DDX17: variants seen among roughly 807,000 people sequenced by gnomAD.
DDX17 encodes probable ATP-dependent RNA helicase DDX17.
In DDX17, 10 loss-of-function variants were observed where a neutral mutation model predicts 80.8. The observed-to-expected ratio is 0.12, with a 90% CI of 0.08 to 0.21. The LOEUF (loss-of-function observed/expected upper bound fraction) is 0.21. Ranked by LOEUF, DDX17 falls within the 10% of genes least tolerant of loss-of-function variation. The pLI, the probability that DDX17 is intolerant of heterozygous loss-of-function variation, is 1.00. For missense variants in DDX17, 586 were observed against 957.4 expected (o/e 0.61, Z 5.12); for synonymous variants, 339 against 336.2 (o/e 1.01, Z -0.09).
intron 10 of DDX17, among the ~76,000 whole-genome samples, chr22:38,493,123 C>T (rs1029202252): frequency 2.0e-5 from 3 of 152,220 alleles, no homozygotes; most frequent in Non-Finnish European, 4.4e-5. Flanking sequence ...GTAAGACAAA[C>T]TGGCCTTTGG....
intron 5 of DDX17, among the ~76,000 whole-genome samples, chr22:38,496,819 T>A (rs1029802422): frequency 3.3e-5 from 5 of 152,202 alleles, no homozygotes; most frequent in Non-Finnish European, 7.3e-5. Flanking sequence ...AATCAAGGTA[T>A]CATATACCAT....
At chr22:38,496,032 C>T (rs1418037152) in intron 5 of DDX17, 95 bp from the exon 6 acceptor site, 1 of 1,174,490 alleles carries the variant, frequency 8.5e-7, no homozygotes. Context: ...TAATTTAATT[C>T]TTTGCTGTCT....
chr22:38,487,807 C>G, intron 12 of DDX17, 72 bp downstream of exon 12: 1 of 1,540,374 alleles, frequency 6.5e-7, no homozygotes, highest in Non-Finnish European at 9.0e-7. Context: ...AAAACAGCAA[C>G]TAAAAGCAAG....
rs546475275 is a variant in DDX17 at position 38,487,640 on chromosome 22, C to G, written c.1684+239G>C. Among the ~76,000 whole-genome samples, 49 of 152,120 alleles carry G rather than the reference C, an allele frequency of 3.2e-4. 2 individuals are homozygous for G. The highest frequency in any genetic ancestry group is 2.9e-3 in the South Asian group (14 of 4,818). Reference sequence around the variant, plus strand: ...TCTCAAAACAAACAAACAAACAAAACCAAACCTCAGACCAGTCTCTAAGAA... The same window carrying G: ...TCTCAAAACAAACAAACAAACAAAAGCAAACCTCAGACCAGTCTCTAAGAA... On this transcript the variant is annotated intron_variant, in intron 12 of 12. Transcript: ENST00000403230.
intron 12 of DDX17, 104 bp downstream of exon 12, chr22:38,487,775 C>G (rs188244740): frequency 3.1e-5 from 37 of 1,181,552 alleles, no homozygotes; most frequent in Non-Finnish European, 1.3e-6. Flanking sequence ...TGCTATTAAG[C>G]AACATACTTA....
chr22:38,484,715 G>A lies in DDX17; in HGVS notation c.*1220C>T, dbSNP rs1215360968. 1.3e-5 allele frequency: 2 copies of A among 152,182 alleles called. No homozygotes were observed. The highest frequency in any genetic ancestry group is 2.9e-5 in the Non-Finnish European group (2 of 68,046). 9.4% of individuals were successfully genotyped at this position (152,182 alleles called of 1,614,324 possible). A position where few individuals can be genotyped will look rare whatever the true frequency, so the allele number is the denominator to read the frequency against. Reference sequence around the variant, plus strand: ...GGATGAACTCACCTACCTTCAGATGGAGGAAAAGTGAAAAGGACTTAGGCT... The same window carrying A: ...GGATGAACTCACCTACCTTCAGATGAAGGAAAAGTGAAAAGGACTTAGGCT... On this transcript the variant is annotated 3_prime_UTR_variant, in exon 13 of 13. Transcript: ENST00000403230.
intron 4 of DDX17, 122 bp from the exon 5 acceptor site, chr22:38,498,272 T>C (rs2089790501): frequency 7.3e-7 from 1 of 1,377,986 alleles, no homozygotes; most frequent in African/African-American, 1.4e-5. Context: ...CACTGCTATA[T>C]ACAGGAAGCA....
At position 38,487,871 on chromosome 22, in the gene DDX17, A is replaced by ACCC; in HGVS notation, c.1684+5_1684+7dup. On this transcript the variant is annotated splice_region_variant and intron_variant, in intron 12 of 12. Coordinates refer to ENST00000403230, the MANE Select transcript of DDX17 (RefSeq NM_006386.5). ...CAGTACCTGGAAAACTCCAGGACTTACCCTTACCCCCGCCTCCGCCGCCTC... is the reference window on the plus strand; with the variant it reads ...CAGTACCTGGAAAACTCCAGGACTTACCCCCCTTACCCCCGCCTCCGCCGCCTC... 6.2e-7 allele frequency: 1 copy of ACCC among 1,613,996 alleles called. No individual in the cohort carries two copies. The highest frequency in any genetic ancestry group is 8.5e-7 in the Non-Finnish European group (1 of 1,180,010).
intron 1 of DDX17, among the ~76,000 whole-genome samples, chr22:38,503,244 G>T (rs983054733): frequency 1.3e-5 from 2 of 152,140 alleles, no homozygotes; most frequent in Admixed American, 1.3e-4. Flanking sequence ...AAATGAAGCA[G>T]CTAAATAAGG....
intron 8 of DDX17, 107 bp from the exon 9 acceptor site, chr22:38,494,238 G>T: frequency 2.6e-6 from 2 of 779,464 alleles, no homozygotes; most frequent in Non-Finnish European, 4.1e-6. Flanking sequence ...TGCACATTAC[G>T]CTTTTAAAAT....
At chr22:38,501,932 A>G (rs927968293) in intron 1 of DDX17, among the ~76,000 whole-genome samples, 15 of 152,368 alleles carry the variant, frequency 9.8e-5, no homozygotes, top group Non-Finnish European at 2.2e-4. Flanking sequence ...TTTCAATTAA[A>G]GGGAAGATTG....
intron 1 of DDX17, among the ~76,000 whole-genome samples, chr22:38,503,980 T>C (rs9619748): frequency 0.026 from 3,944 of 152,324 alleles, 79 homozygotes; most frequent in Middle Eastern, 0.044. Flanking sequence ...ATACTCAAAG[T>C]ATGGATCAGT....
intron 10 of DDX17, among the ~76,000 whole-genome samples, chr22:38,493,198 C>T (rs1320508720): frequency 6.6e-6 from 1 of 152,132 alleles, no homozygotes; most frequent in Non-Finnish European, 1.5e-5. Flanking sequence ...ACGTTTATCT[C>T]TTTGAGACAG....
At chr22:38,487,069 G>A (rs1296240846) in intron 12 of DDX17, among the ~76,000 whole-genome samples, 2 of 152,202 alleles carry the variant, frequency 1.3e-5, no homozygotes. Context: ...TTGGGAGGCT[G>A]AAGCAGGAGA....
In DDX17 at chr22:38,489,993, G is replaced by A. The variant is rs946327941; in HGVS notation, c.1448-1878C>T. The A allele has an allele frequency of 9.8e-7, 1 of 1,017,920 alleles. No homozygotes were observed. The highest frequency in any genetic ancestry group is 1.7e-5 in the African/African-American group (1 of 57,998). 63.1% of individuals were successfully genotyped at this position (1,017,920 alleles called of 1,614,324 possible). A position where few individuals can be genotyped will look rare whatever the true frequency, so the allele number is the denominator to read the frequency against. On this transcript the variant is annotated intron_variant, in intron 11 of 12. Coordinates refer to ENST00000403230, the MANE Select transcript of DDX17 (RefSeq NM_006386.5). The surrounding 1 kb of genome is among the most constrained non-coding windows in gnomAD (Gnocchi z 4.6). The stretch of plus-strand genomic sequence containing the variant: ...TGCTTTCCTAGCAGAAAGCACCAGG[G>A]TGGAGTCAACAGTTCACATGCTAAT...
rs1210772449 is a variant in DDX17, at chr22:38,483,701, G to T, written c.*2234C>A. The T allele has an allele frequency of 6.6e-6, 1 of 152,462 alleles. No homozygotes were observed. The highest frequency in any genetic ancestry group is 1.5e-5 in the Non-Finnish European group (1 of 68,030). The allele number at this position is 152,462 out of a possible 1,614,324, so 9.4% of individuals were successfully genotyped here. The stretch of plus-strand genomic sequence containing the variant: ...ACACAACGAATTGTTAGGGAGGATT[G>T]GGGAGAAGCAGCCCATTGCTTAATA... On this transcript the variant is annotated 3_prime_UTR_variant, in exon 13 of 13. Coordinates refer to ENST00000403230, the MANE Select transcript of DDX17 (RefSeq NM_006386.5).
rs2089746092 is a variant in DDX17, at chr22:38,494,994, T to G, written c.933A>C (p.Ser311=). 2 of 1,614,198 alleles carry G rather than the reference T, an allele frequency of 1.2e-6. No homozygotes were observed. Among genetic ancestry groups the G allele is most frequent in the African/African-American group, 2.7e-5 (2 of 75,050 alleles). ...TACATCGGCGAAGATTTGTCTTTCC[T>G]GACTCCAGGAAATCTATCAGACGTC... Residue 311 remains serine (S), a synonymous_variant, in exon 7 of 13, where the codon TCA becomes TCC. Transcript: ENST00000403230.
At position 38,489,362 on chromosome 22, in the gene DDX17, G is replaced by A; in HGVS notation, c.1448-1247C>T. On this transcript the variant is annotated intron_variant, in intron 11 of 12. Transcript: ENST00000403230. The surrounding 1 kb of genome is among the most constrained non-coding windows in gnomAD (Gnocchi z 4.6). ...CTGGAGCGCGGGGAGCATGCATCAA[G>A]GGTCCGTGGCAGTGAGAAGTCCCCA... 8 of 985,722 alleles carry A rather than the reference G, an allele frequency of 8.1e-6. No homozygotes were observed. The highest frequency in any genetic ancestry group is 9.6e-6 in the Non-Finnish European group (8 of 829,916). 61.1% of individuals were successfully genotyped at this position (985,722 alleles called of 1,614,324 possible). A position where few individuals can be genotyped will look rare whatever the true frequency, so the allele number is the denominator to read the frequency against.
Position 38,486,233 on chromosome 22 carries a change from C to T in DDX17, c.1892G>A (p.Gly631Asp). The T allele has an allele frequency of 6.2e-7, 1 of 1,614,100 alleles. No individual in the cohort carries two copies. Among genetic ancestry groups the T allele is most frequent in the South Asian group, 1.1e-5 (1 of 91,070 alleles). ...GGTGCCTTGACCATAGGTGTATTGGCCTGCTTGTGCTCCAAAGGCAGAATT... is the reference window on the plus strand; with the variant it reads ...GGTGCCTTGACCATAGGTGTATTGGTCTGCTTGTGCTCCAAAGGCAGAATT... The change falls in exon 13 of 13, where the codon GGC (glycine) becomes GAC (aspartate). Residue 631 changes from glycine to aspartate, a missense_variant. Physicochemically the swap from Gly to Asp is moderately conservative, Grantham distance 94. This residue lies in a region of DDX17 where 221 missense variants were observed against 261.4 expected (regional missense o/e 0.85). Coordinates refer to ENST00000403230, the MANE Select transcript of DDX17 (RefSeq NM_006386.5).
Sources: allele counts gnomAD v4.1 joint callset (sites outside exome capture counted in the v4.1 genomes callset), GRCh38; gene constraint gnomAD v4.1.1; regional missense constraint gnomAD v4.1.1; non-coding constraint Gnocchi (gnomAD v3.1); transcripts MANE v1.5; gene names NCBI Gene and HGNC (gene_info 2026-07-23, HGNC 2026-07-21).